PHC2: variants seen among roughly 807,000 people sequenced by gnomAD.
PHC2 encodes polyhomeotic-like protein 2.
A neutral mutation model predicts 87.4 loss-of-function variants in PHC2; 29 were observed. That is an observed-to-expected ratio of 0.33 (90% CI 0.25 to 0.45). The LOEUF (loss-of-function observed/expected upper bound fraction) is 0.45. PHC2 is among the 20% of genes least tolerant of loss of function. The pLI, the probability that PHC2 is intolerant of heterozygous loss-of-function variation, is 1.00. For synonymous variants in PHC2, 438 were observed against 461.7 expected, an observed-to-expected ratio of 0.95 and a Z score of 0.66; for missense variants, 857 against 1,136.7, an observed-to-expected ratio of 0.75 and a Z score of 3.54.
At chr1:33,379,379 CT>C (rs1204671548) in intron 1 of PHC2, among the ~76,000 whole-genome samples, 1 of 54,778 alleles carries the variant, frequency 1.8e-5, no homozygotes. Flanking sequence ...CTGTCCCCCC[CT>C]TCCCCCCGGT....
intron 7 of PHC2, among the ~76,000 whole-genome samples, chr1:33,365,469 C>T (rs922548906): frequency 6.6e-6 from 1 of 152,152 alleles, no homozygotes; most frequent in Non-Finnish European, 1.5e-5. Flanking sequence ...AGGCCTGAGA[C>T]GCAGATGGTC....
At chr1:33,394,976 T>G (rs1649235604) in intron 1 of PHC2, among the ~76,000 whole-genome samples, 1 of 152,164 alleles carries the variant, frequency 6.6e-6, no homozygotes, top group Non-Finnish European at 1.5e-5. Flanking sequence ...AACCCAGAAA[T>G]TCCATCCTTA....
chr1:33,401,256 G>A (rs2148376082), intron 1 of PHC2, among the ~76,000 whole-genome samples: 1 of 152,246 alleles, frequency 6.6e-6, no homozygotes, highest in African/African-American at 2.4e-5. Context: ...AACCCAGGAG[G>A]TGGAGCTTGC....
chr1:33,374,975 A>G (rs1002295542), intron 2 of PHC2, among the ~76,000 whole-genome samples: 1 of 152,124 alleles, frequency 6.6e-6, no homozygotes, highest in African/African-American at 2.4e-5. Context: ...TTTAAGGGAG[A>G]AGGTAAAAAG....
rs370871066 is a variant in PHC2, at chr1:33,382,600, G to A, written c.-54-7007C>T. ...TCACTGTGTGGTTTTGTATGAGCCC[G>A]GGCTCTGAAGGGCTATGATTCCTAT... On this transcript the variant is annotated intron_variant, in intron 1 of 14. Coordinates refer to ENST00000683057, the MANE Select transcript of PHC2 (RefSeq NM_001385109.1). The surrounding 1 kb of genome is among the most constrained non-coding windows in gnomAD (Gnocchi z 4.3). 1.4e-4 allele frequency among the ~76,000 whole-genome samples: 22 copies of A among 152,060 alleles called. No individual in the cohort carries two copies. Among genetic ancestry groups the A allele is most frequent in the African/African-American group, 4.1e-4 (17 of 41,384 alleles).
At chr1:33,415,271 T>C (rs889410454) in intron 1 of PHC2, among the ~76,000 whole-genome samples, 1 of 152,174 alleles carries the variant, frequency 6.6e-6, no homozygotes, top group Non-Finnish European at 1.5e-5. Context: ...GATAGGAAAC[T>C]ACTCAAGACT....
chr1:33,371,604 A>G (rs1301073049), intron 3 of PHC2, among the ~76,000 whole-genome samples: 3 of 152,122 alleles, frequency 2.0e-5, no homozygotes, highest in South Asian at 2.1e-4. Context: ...CCTTCTCCCC[A>G]TGGCCGGCTT....
intron 1 of PHC2, among the ~76,000 whole-genome samples, chr1:33,427,199 G>A (rs1456900657): frequency 6.6e-6 from 1 of 152,118 alleles, no homozygotes; most frequent in African/African-American, 2.4e-5. Flanking sequence ...GATTAAATGG[G>A]ATAATGAACA....
intron 1 of PHC2, among the ~76,000 whole-genome samples, chr1:33,395,679 T>A (rs967622846): frequency 3.3e-5 from 5 of 152,202 alleles, no homozygotes; most frequent in Non-Finnish European, 5.9e-5. Flanking sequence ...ATTCACTGTA[T>A]ACTTATTTCA....
chr1:33,328,236 C>T (rs1161128859), intron 14 of PHC2, among the ~76,000 whole-genome samples: 1 of 152,178 alleles, frequency 6.6e-6, no homozygotes, highest in Non-Finnish European at 1.5e-5. Context: ...TGCTCCACCA[C>T]GCAGGGCTCT....
chr1:33,386,159 T>C (rs1648735725), intron 1 of PHC2, among the ~76,000 whole-genome samples: 1 of 151,868 alleles, frequency 6.6e-6, no homozygotes, highest in Non-Finnish European at 1.5e-5. Context: ...TTTGTAAGGG[T>C]ATGCATTTTG....
In PHC2 at chr1:33,324,653, C is replaced by A; in HGVS notation, c.*212G>T. 2 of 491,494 alleles carry A rather than the reference C, an allele frequency of 4.1e-6. No homozygotes were observed. The highest frequency in any genetic ancestry group is 5.2e-4 in the Middle Eastern group (1 of 1,922). 30.4% of individuals were successfully genotyped at this position (491,494 alleles called of 1,614,324 possible). ...AATATTTACAAGCATAAAGCCCCAT[C>A]TTCTGTGCCACCTACCTCTCTGCCC... is the stretch of plus-strand genomic sequence containing the variant. On this transcript the variant is annotated 3_prime_UTR_variant, in exon 15 of 15. Transcript: ENST00000683057.
At chr1:33,373,701 G>C (rs1647997772) in intron 2 of PHC2, among the ~76,000 whole-genome samples, 2 of 152,084 alleles carry the variant, frequency 1.3e-5, no homozygotes, top group African/African-American at 4.8e-5. Flanking sequence ...CTTCCCAGTT[G>C]ATGCCCTGCA....
intron 1 of PHC2, among the ~76,000 whole-genome samples, chr1:33,405,820 T>C (rs992810676): frequency 6.6e-6 from 1 of 152,214 alleles, no homozygotes; most frequent in Non-Finnish European, 1.5e-5. Flanking sequence ...TTTTTCTTAT[T>C]GAATGCTAAC....
At position 33,364,418 on chromosome 1, in the gene PHC2, A is replaced by G. The variant is rs937476303; in HGVS notation, c.976+2698T>C. ...CACACACACACACACACACACACAC[A>G]CACACACGCTCAAGCACGCTCTTCT... On this transcript the variant is annotated intron_variant, in intron 7 of 14. Transcript: ENST00000683057. The surrounding 1 kb of genome is among the most constrained non-coding windows in gnomAD (Gnocchi z 4.1). 2.7e-5 allele frequency among the ~76,000 whole-genome samples: 4 copies of G among 146,216 alleles called. No homozygotes were observed. Among genetic ancestry groups the G allele is most frequent in the East Asian group, 2.1e-4 (1 of 4,668 alleles).
chr1:33,370,736 C>T, intron 4 of PHC2, 151 bp from the exon 5 acceptor site: 1 of 768,550 alleles, frequency 1.3e-6, no homozygotes, highest in South Asian at 1.8e-5. Context: ...GAGCAATCCC[C>T]CAGCCCTGTC....
At chr1:33,325,846 C>T (rs1305814863) in intron 14 of PHC2, 1 of 456,482 alleles carries the variant, frequency 2.2e-6, no homozygotes, top group African/African-American at 2.0e-5. Flanking sequence ...GGCGTGGCCT[C>T]AGAACTGGCC....
Position 33,324,823 on chromosome 1 carries a change from GGGA to G in PHC2, c.*39_*41del, listed in dbSNP as rs751750944. On this transcript the variant is annotated 3_prime_UTR_variant, in exon 15 of 15. Transcript: ENST00000683057. ...AATGTCTGTCTGGCTCTGCTCAGTC[GGGA>G]GGAGGCGCCCTGGGCCAGAATCCTG... The G allele has an allele frequency of 7.6e-6, 12 of 1,584,108 alleles. No individual in the cohort carries two copies. In the East Asian group the frequency reaches 2.7e-4, roughly 36 times the overall value.
intron 1 of PHC2, among the ~76,000 whole-genome samples, chr1:33,412,472 C>A (rs1478102735): frequency 6.6e-6 from 1 of 152,154 alleles, no homozygotes; most frequent in East Asian, 1.9e-4. Flanking sequence ...CCAGCTTTAC[C>A]CTAAACTTTG....
Sources: gnomAD v4.1 joint callset for allele counts (sites outside exome capture counted in the v4.1 genomes callset) on GRCh38, gnomAD v4.1.1 for gene constraint, Gnocchi (gnomAD v3.1) non-coding constraint, MANE v1.5 for transcripts, NCBI Gene and HGNC (gene_info 2026-07-23, HGNC 2026-07-21) for gene names.